PCDH15: variants seen among roughly 807,000 people sequenced by gnomAD.
The protein encoded by PCDH15 is protocadherin-15.
Under a neutral mutation model 178.5 loss-of-function variants are expected in PCDH15, and 129 were observed. That is an observed-to-expected ratio of 0.72 (90% CI 0.63 to 0.84). The LOEUF (loss-of-function observed/expected upper bound fraction) is 0.84. PCDH15 is among the 40% of genes least tolerant of loss of function. The pLI is 0.00. For missense variants in PCDH15, 2,230 were observed against 2,099.9 expected (o/e 1.06, Z -1.21); for synonymous variants, 800 against 732.0 (o/e 1.09, Z -1.50).
At position 55,162,199 on chromosome 10, in the gene PCDH15, G is replaced by A. The variant is rs141456470; in HGVS notation, c.-80+4377C>T. On this transcript the variant is annotated intron_variant, in intron 2 of 5. Coordinates refer to the PCDH15 transcript ENST00000458638. The stretch of plus-strand genomic sequence containing the variant: ...GATAGATCACACAGTTATAAGTTCC[G>A]TTAGATGTAGAACTTCCCGTATTTG... Among the ~76,000 whole-genome samples, 269 of 152,148 alleles carry A rather than the reference G, an allele frequency of 1.8e-3. 2 individuals are homozygous for A. Among genetic ancestry groups the A allele is most frequent in the Middle Eastern group, 6.8e-3 (2 of 294 alleles).
intron 26 of PCDH15, among the ~76,000 whole-genome samples, chr10:53,902,253 C>G (rs959767135): frequency 1.3e-5 from 2 of 152,026 alleles, no homozygotes; most frequent in Non-Finnish European, 2.9e-5. Context: ...AGTGGAAGAG[C>G]TATTTTGCAA....
intron 32 of PCDH15, among the ~76,000 whole-genome samples, chr10:53,826,827 GAATTT>G (rs2076712902): frequency 6.6e-6 from 1 of 151,928 alleles, no homozygotes; most frequent in South Asian, 2.1e-4. Context: ...AAGTAGTTGG[GAATTT>G]AATATAGAAA....
At chr10:54,593,154 G>T (rs1205869099) in intron 2 of PCDH15, among the ~76,000 whole-genome samples, 1 of 151,840 alleles carries the variant, frequency 6.6e-6, no homozygotes, top group East Asian at 1.9e-4. Context: ...TTCTTTTACT[G>T]TGCAGAAGCT....
intron 10 of PCDH15, among the ~76,000 whole-genome samples, chr10:54,208,632 G>A (rs187174413): frequency 7.2e-5 from 11 of 152,036 alleles, no homozygotes; most frequent in African/African-American, 1.4e-4. Flanking sequence ...TCCAGCCTCC[G>A]GAAGAGTGAG....
intron 2 of PCDH15, among the ~76,000 whole-genome samples, chr10:54,635,353 C>A (rs1036709293): frequency 6.7e-6 from 1 of 150,124 alleles, no homozygotes; most frequent in East Asian, 2.0e-4. Flanking sequence ...TGGTGACATT[C>A]GTGTTTAATT....
At chr10:55,214,430 T>C (rs11004778) in intron 1 of PCDH15, among the ~76,000 whole-genome samples, 39,434 of 151,846 alleles carry the variant, frequency 0.26, 5,402 homozygotes, top group Middle Eastern at 0.35. Flanking sequence ...TGGAAAATTA[T>C]GTATTTAGAC....
chr10:54,010,902 C>A (rs2092560367), intron 20 of PCDH15, among the ~76,000 whole-genome samples: 1 of 152,154 alleles, frequency 6.6e-6, no homozygotes, highest in Admixed American at 6.5e-5. Flanking sequence ...TAAGGAGGGG[C>A]TCCTACAGTC....
intron 2 of PCDH15, among the ~76,000 whole-genome samples, chr10:55,520,679 T>G (rs1017851653): frequency 2.0e-5 from 3 of 151,540 alleles, no homozygotes; most frequent in Non-Finnish European, 4.4e-5. Flanking sequence ...TTCAAATGAT[T>G]GAGAATGATA....
intron 1 of PCDH15, among the ~76,000 whole-genome samples, chr10:55,179,227 C>T (rs1288650293): frequency 6.6e-6 from 1 of 152,040 alleles, no homozygotes; most frequent in East Asian, 1.9e-4. Flanking sequence ...AACAATTCCC[C>T]CCGTCGGCAG....
intron 21 of PCDH15, among the ~76,000 whole-genome samples, chr10:53,979,012 C>T (rs1414920371): frequency 2.6e-5 from 4 of 152,162 alleles, no homozygotes; most frequent in African/African-American, 9.7e-5. Context: ...TCTGAGCCCT[C>T]CAAACTGTTC....
chr10:55,214,516 A>C (rs1840650984), intron 1 of PCDH15, among the ~76,000 whole-genome samples: 1 of 150,872 alleles, frequency 6.6e-6, no homozygotes, highest in Admixed American at 6.6e-5. Flanking sequence ...TTTATATCCA[A>C]ATTTTTTTGT....
rs34403286 is a variant in PCDH15, at chr10:55,613,017, A to ATTT, written c.-156+14605_-156+14607dup. 1.9e-3 allele frequency among the ~76,000 whole-genome samples: 155 copies of ATTT among 82,404 alleles called. 1 individual carries two copies. The highest frequency in any genetic ancestry group is 8.8e-3 in the Middle Eastern group (1 of 114). The allele number at this position is 82,404 out of a possible 152,430, so 54.1% of individuals were successfully genotyped here. On this transcript the variant is annotated intron_variant, in intron 2 of 5. Coordinates refer to the PCDH15 transcript ENST00000613346. ...TCTCCAATACATATTTACTAGCCAG[A>ATTT]TTTTTTTTTTTTTTTTTTTTTTTTG...
Position 53,822,510 on chromosome 10 carries a change from T to A in PCDH15, c.4368-2280A>T, listed in dbSNP as rs772081755. On this transcript the variant is annotated intron_variant, in intron 32 of 37. Coordinates refer to ENST00000644397, the MANE Select transcript of PCDH15 (RefSeq NM_001384140.1). ...AAGGGGACAGGCAGAAGGAGAGATG[T>A]TTGGTGGATGGGCAAAATTTTCAAA... 18 of 1,612,516 alleles carry A rather than the reference T, an allele frequency of 1.1e-5. 1 individual carries two copies. In the South Asian group the frequency reaches 1.9e-4, roughly 17 times the overall value.
intron 2 of PCDH15, among the ~76,000 whole-genome samples, chr10:54,977,444 T>C (rs1839101582): frequency 6.6e-6 from 1 of 152,064 alleles, no homozygotes; most frequent in African/African-American, 2.4e-5. Flanking sequence ...TAAAAGACAC[T>C]CCTATCAGTG....
intron 2 of PCDH15, among the ~76,000 whole-genome samples, chr10:55,550,396 T>C (rs1448093759): frequency 6.6e-6 from 1 of 152,108 alleles, no homozygotes; most frequent in South Asian, 2.1e-4. Flanking sequence ...AATAAGAGAT[T>C]TGTGGTTTCA....
chr10:55,424,772 T>C (rs1176473673), intron 2 of PCDH15, among the ~76,000 whole-genome samples: 1 of 152,064 alleles, frequency 6.6e-6, no homozygotes, highest in Non-Finnish European at 1.5e-5. Flanking sequence ...ACTCTCACTC[T>C]GAGGGAATAG....
At chr10:54,348,084 A>G (rs938995451) in intron 5 of PCDH15, among the ~76,000 whole-genome samples, 9 of 151,738 alleles carry the variant, frequency 5.9e-5, no homozygotes, top group Admixed American at 4.6e-4. Context: ...TCCTGACCTC[A>G]TGATCTGCCC....
Position 54,773,737 on chromosome 10 carries a change from T to C in PCDH15, c.-29+27188A>G, listed in dbSNP as rs141618368. ...CCTTTTCACCCCTGACTAGAAACAC[T>C]ATTTTAAAAGAGTTCTTATTGATTT... On this transcript the variant is annotated intron_variant, in intron 1 of 37. Coordinates refer to ENST00000644397, the MANE Select transcript of PCDH15 (RefSeq NM_001384140.1). Among the ~76,000 whole-genome samples the C allele has an allele frequency of 2.2e-3, 335 of 152,298 alleles. 2 individuals are homozygous for C. The highest frequency in any genetic ancestry group is 6.5e-3 in the African/African-American group (269 of 41,572).
At chr10:55,033,481 T>C (rs150623312) in intron 2 of PCDH15, among the ~76,000 whole-genome samples, 1 of 152,308 alleles carries the variant, frequency 6.6e-6, no homozygotes, top group African/African-American at 2.4e-5. Context: ...TGGACTCACT[T>C]GGGACCTATT....
Sources: allele counts gnomAD v4.1 joint callset (sites outside exome capture counted in the v4.1 genomes callset), GRCh38; gene constraint gnomAD v4.1.1; transcripts MANE v1.5; gene names NCBI Gene and HGNC (gene_info 2026-07-23, HGNC 2026-07-21).